Variants in GUCY1A2 observed in about 807,000 individuals in gnomAD.
GUCY1A2 encodes the protein guanylate cyclase soluble subunit alpha-2.
A neutral mutation model predicts 63.5 loss-of-function variants in GUCY1A2; 27 were observed. That is an observed-to-expected ratio of 0.43 (90% CI 0.31 to 0.59). GUCY1A2 has a LOEUF of 0.59. Ranked by LOEUF, GUCY1A2 falls within the 20% of genes least tolerant of loss-of-function variation. The probability of loss-of-function intolerance (pLI) is 0.11; values close to 1 mark genes in which losing one functional copy is unlikely to be tolerated. For missense variants in GUCY1A2, 768 were observed against 913.3 expected, an observed-to-expected ratio of 0.84 and a Z score of 2.05; for synonymous variants, 364 against 343.5, an observed-to-expected ratio of 1.06 and a Z score of -0.66.
chr11:106,814,856 C>T (rs1425521302), intron 4 of GUCY1A2, among the ~76,000 whole-genome samples: 1 of 151,786 alleles, frequency 6.6e-6, no homozygotes, highest in African/African-American at 2.4e-5. Context: ...AAACACAATA[C>T]CCAAATTATC....
At chr11:106,870,776 A>G (rs1249620751) in intron 4 of GUCY1A2, among the ~76,000 whole-genome samples, 1 of 152,098 alleles carries the variant, frequency 6.6e-6, no homozygotes, top group Admixed American at 6.6e-5. Context: ...TCCCATCTCC[A>G]TGCTATGCAA....
chr11:106,905,208 A>G (rs938804735), intron 4 of GUCY1A2, among the ~76,000 whole-genome samples: 1 of 152,138 alleles, frequency 6.6e-6, no homozygotes, highest in Non-Finnish European at 1.5e-5. Flanking sequence ...AGACTGTTAT[A>G]AAATCATTTC....
chr11:106,952,736 G>A (rs1860927654), intron 3 of GUCY1A2, among the ~76,000 whole-genome samples: 2 of 151,950 alleles, frequency 1.3e-5, no homozygotes, highest in Admixed American at 6.6e-5. Context: ...CACCTCCTGG[G>A]TTCAAGTGAT....
At chr11:106,706,241 G>T (rs550703528) in intron 7 of GUCY1A2, among the ~76,000 whole-genome samples, 5 of 152,134 alleles carry the variant, frequency 3.3e-5, no homozygotes, top group African/African-American at 1.2e-4. Flanking sequence ...GTAATTCAGG[G>T]ATAAAATAGA....
At chr11:106,927,641 T>C (rs1860544859) in intron 4 of GUCY1A2, among the ~76,000 whole-genome samples, 1 of 151,558 alleles carries the variant, frequency 6.6e-6, no homozygotes, top group Non-Finnish European at 1.5e-5. Flanking sequence ...CTCGGCTCAC[T>C]GCAAGCTCCA....
chr11:106,997,280 A>G (rs1861551867), intron 1 of GUCY1A2, among the ~76,000 whole-genome samples: 1 of 152,180 alleles, frequency 6.6e-6, no homozygotes, highest in Non-Finnish European at 1.5e-5. Context: ...TCAGAAATCA[A>G]ATGTCAGGTA....
chr11:106,834,053 A>G (rs962464800), intron 4 of GUCY1A2, among the ~76,000 whole-genome samples: 3 of 152,026 alleles, frequency 2.0e-5, no homozygotes, highest in Admixed American at 1.3e-4. Context: ...CATATTTCAC[A>G]TATTTATTTT....
chr11:106,678,042 C>G lies in GUCY1A2; in HGVS notation c.*9507G>C, dbSNP rs1169144826. 2.0e-5 allele frequency: 4 copies of G among 201,048 alleles called. No homozygotes were observed. Among genetic ancestry groups the G allele is most frequent in the African/African-American group, 9.2e-5 (4 of 43,414 alleles). 12.5% of individuals were successfully genotyped at this position (201,048 alleles called of 1,614,324 possible). Reference sequence around the variant, plus strand: ...TGAGTGCCTGGTGACACACTTGAAACAAATTTTAAAAGAAGAATAGTAATT... The same window carrying G: ...TGAGTGCCTGGTGACACACTTGAAAGAAATTTTAAAAGAAGAATAGTAATT... On this transcript the variant is annotated 3_prime_UTR_variant, in exon 8 of 8. Transcript: ENST00000526355.
intron 4 of GUCY1A2, among the ~76,000 whole-genome samples, chr11:106,912,766 T>C (rs879705872): frequency 3.3e-4 from 50 of 152,104 alleles, no homozygotes; most frequent in Admixed American, 5.2e-4. Flanking sequence ...CAGTGCTGTA[T>C]AAAAAGAAAA....
At chr11:106,920,435 T>C (rs1860427756) in intron 4 of GUCY1A2, among the ~76,000 whole-genome samples, 1 of 152,176 alleles carries the variant, frequency 6.6e-6, no homozygotes, top group Admixed American at 6.6e-5. Context: ...AAACTTCTAA[T>C]GGCTTTTGTC....
chr11:106,941,251 C>A (rs1237506948), intron 3 of GUCY1A2, among the ~76,000 whole-genome samples: 1 of 152,114 alleles, frequency 6.6e-6, no homozygotes, highest in African/African-American at 2.4e-5. Flanking sequence ...AAAAGAGTTC[C>A]ACCTTATAGT....
In GUCY1A2 at chr11:106,675,176, G is replaced by A. The variant is rs142174340; in HGVS notation, c.*12373C>T. 9.2e-4 allele frequency: 192 copies of A among 208,646 alleles called. No homozygotes were observed. The highest frequency in any genetic ancestry group is 4.2e-3 in the African/African-American group (186 of 43,962). The allele number at this position is 208,646 out of a possible 1,614,324, so 12.9% of individuals were successfully genotyped here. A position where few individuals can be genotyped will look rare whatever the true frequency, so the allele number is the denominator to read the frequency against. On this transcript the variant is annotated 3_prime_UTR_variant, in exon 8 of 8. Coordinates refer to ENST00000526355, the MANE Select transcript of GUCY1A2 (RefSeq NM_000855.3). ...TTAATCAGTATTTTAAAAGCATAAT[G>A]AGACAGTTTTGTCACTTAATTACCG...
At chr11:106,893,813 TTACTGGAGG>T (rs1296220881) in intron 4 of GUCY1A2, among the ~76,000 whole-genome samples, 1 of 152,022 alleles carries the variant, frequency 6.6e-6, no homozygotes. Context: ...AGTTTACAAA[TTACTGGAGG>T]CTCGGTGTCG....
intron 7 of GUCY1A2, among the ~76,000 whole-genome samples, 160 bp from the exon 8 acceptor site, chr11:106,687,916 A>T (rs1321114730): frequency 6.6e-6 from 1 of 152,138 alleles, no homozygotes; most frequent in East Asian, 1.9e-4. Context: ...AAATGCTAGG[A>T]AATGTTATAA....
intron 6 of GUCY1A2, among the ~76,000 whole-genome samples, chr11:106,772,322 T>G (rs1049109883): frequency 1.4e-4 from 21 of 152,156 alleles, no homozygotes; most frequent in African/African-American, 5.1e-4. Flanking sequence ...CCTAAAAACT[T>G]ACATAATTTG....
intron 6 of GUCY1A2, among the ~76,000 whole-genome samples, chr11:106,738,110 T>TC (rs1340262472): frequency 2.0e-5 from 3 of 152,230 alleles, no homozygotes; most frequent in African/African-American, 2.4e-5. Context: ...AGATGGTATC[T>TC]CATTGTGGTT....
chr11:106,835,125 C>T (rs1331061196), intron 4 of GUCY1A2, among the ~76,000 whole-genome samples: 3 of 151,622 alleles, frequency 2.0e-5, no homozygotes, highest in Non-Finnish European at 4.4e-5. Flanking sequence ...GCATCAAATA[C>T]TAGATTTTAC....
intron 4 of GUCY1A2, among the ~76,000 whole-genome samples, chr11:106,823,136 G>A (rs1176892524): frequency 2.0e-5 from 3 of 152,050 alleles, no homozygotes; most frequent in Admixed American, 6.6e-5. Context: ...GTACATGTTT[G>A]TCACATGGGT....
In GUCY1A2 at chr11:106,687,271, CTGA is replaced by C; in HGVS notation, c.*275_*277del. 1 of 360,936 alleles carries C rather than the reference CTGA, an allele frequency of 2.8e-6. No homozygotes were observed. The highest frequency in any genetic ancestry group is 5.7e-5 in the South Asian group (1 of 17,508). 22.4% of individuals were successfully genotyped at this position (360,936 alleles called of 1,614,324 possible). On this transcript the variant is annotated 3_prime_UTR_variant, in exon 8 of 8. Transcript: ENST00000526355. ...CATGGAATCTATTTATTGGTTAGTT[CTGA>C]AAGGGGACCCACACTTGTAATTAAA...
Sources: allele counts gnomAD v4.1 joint callset (sites outside exome capture counted in the v4.1 genomes callset), GRCh38; gene constraint gnomAD v4.1.1; transcripts MANE v1.5; gene names NCBI Gene and HGNC (gene_info 2026-07-23, HGNC 2026-07-21).